The following AFF2 variants were observed in gnomAD, a reference collection of about 807,000 sequenced individuals.
The protein encoded by AFF2 is AF4/FMR2 family member 2.
In AFF2, 14 loss-of-function variants were observed where a neutral mutation model predicts 76.9. The ratio of observed to expected loss-of-function variants is 0.18; its 90% CI spans 0.12 to 0.28. The LOEUF (loss-of-function observed/expected upper bound fraction) is 0.28, where lower values mean the gene tolerates loss of function less well. AFF2 is among the 10% of genes least tolerant of loss of function. The pLI is 1.00. For synonymous variants in AFF2, 398 were observed against 366.7 expected (o/e 1.09, Z -0.98); for missense variants, 868 against 1,001.1 (o/e 0.87, Z 1.79).
intron 7 of AFF2, among the ~76,000 whole-genome samples, chrX:148,843,809 G>A (rs958052119): frequency 5.4e-5 from 6 of 110,661 alleles, no homozygotes; most frequent in African/African-American, 2.0e-4. Context: ...GTCTCTCTCA[G>A]GCCTCCTCTT....
chrX:148,925,674 T>A (rs1376608409), intron 9 of AFF2, among the ~76,000 whole-genome samples: 1 of 112,407 alleles, frequency 8.9e-6, no homozygotes, highest in African/African-American at 3.2e-5. Context: ...TTGGGCAAGT[T>A]GCTTTAGCTC....
intron 3 of AFF2, among the ~76,000 whole-genome samples, chrX:148,683,992 A>G (rs2054575421): frequency 8.9e-6 from 1 of 111,771 alleles, no homozygotes; most frequent in Admixed American, 9.5e-5. Flanking sequence ...CCTGGTATAC[A>G]TTAATTTCAC....
At chrX:148,799,787 G>A (rs1221675158) in intron 3 of AFF2, among the ~76,000 whole-genome samples, 1 of 111,909 alleles carries the variant, frequency 8.9e-6, no homozygotes, top group Non-Finnish European at 1.9e-5. Context: ...GGACATGCTT[G>A]CTTAGCATAG....
At chrX:148,890,441 C>A (rs2071209845) in intron 8 of AFF2, among the ~76,000 whole-genome samples, 2 of 112,079 alleles carry the variant, frequency 1.8e-5, no homozygotes, top group African/African-American at 6.5e-5. Context: ...TAACTGGCAG[C>A]CCTCTCTTTA....
chrX:148,987,306 A>C, intron 19 of AFF2, 61 bp from the exon 20 acceptor site: 1 of 1,069,252 alleles, frequency 9.4e-7, no homozygotes. Context: ...GGGAAGGCCT[A>C]GAACCCCACT....
At chrX:148,738,067 G>T (rs1233810394) in intron 3 of AFF2, among the ~76,000 whole-genome samples, 1 of 111,128 alleles carries the variant, frequency 9.0e-6, no homozygotes, top group Non-Finnish European at 1.9e-5. Flanking sequence ...AAGGATATCG[G>T]TCTGTAGTTT....
chrX:148,743,445 A>C (rs1478313621), intron 3 of AFF2, among the ~76,000 whole-genome samples: 1 of 111,864 alleles, frequency 8.9e-6, no homozygotes, highest in Non-Finnish European at 1.9e-5. Flanking sequence ...TACACAAATA[A>C]TTTTTCTTAT....
intron 3 of AFF2, among the ~76,000 whole-genome samples, chrX:148,772,890 A>G (rs1239761897): frequency 9.0e-6 from 1 of 110,967 alleles, no homozygotes; most frequent in African/African-American, 3.3e-5. Context: ...ATTTTTGTTT[A>G]AAAAATGCTT....
rs148254671 is a variant in AFF2 at position 148,872,867 on chromosome X, G to T, written c.1263-13022G>T. Among the ~76,000 whole-genome samples the T allele has an allele frequency of 5.4e-3, 600 of 111,506 alleles. 2 individuals carry two copies. Among genetic ancestry groups the T allele is most frequent in the African/African-American group, 0.019 (567 of 30,639 alleles). On this transcript the variant is annotated intron_variant, in intron 7 of 20. Transcript: ENST00000370460. Reference sequence around the variant, plus strand: ...CCCATCATGAGTATTCAACCGTTATGACCCAGTCACCTCCCAAAGACTCCA... The same window carrying T: ...CCCATCATGAGTATTCAACCGTTATTACCCAGTCACCTCCCAAAGACTCCA...
At chrX:148,747,982 A>G (rs998946784) in intron 3 of AFF2, among the ~76,000 whole-genome samples, 1 of 112,198 alleles carries the variant, frequency 8.9e-6, no homozygotes, top group African/African-American at 3.2e-5. Context: ...AATGGGCTCA[A>G]ATTTTTTAAT....
chrX:148,886,755 T>G (rs1190625505), intron 8 of AFF2, among the ~76,000 whole-genome samples: 2 of 112,456 alleles, frequency 1.8e-5, no homozygotes, highest in Non-Finnish European at 3.8e-5. Flanking sequence ...AAGTGAGGAA[T>G]GCAGAAGGAT....
chrX:148,791,004 C>T (rs2069886460), intron 3 of AFF2, among the ~76,000 whole-genome samples: 2 of 111,745 alleles, frequency 1.8e-5, no homozygotes, highest in African/African-American at 6.5e-5. Context: ...AGACAGAACT[C>T]GTGAGAAATG....
intron 7 of AFF2, among the ~76,000 whole-genome samples, chrX:148,849,611 C>T (rs1284509462): frequency 9.0e-6 from 1 of 111,132 alleles, no homozygotes; most frequent in African/African-American, 3.3e-5. Context: ...ACAATGCCAG[C>T]AACCCAACTA....
intron 1 of AFF2, among the ~76,000 whole-genome samples, chrX:148,545,035 T>C (rs531905119): frequency 1.8e-5 from 2 of 112,484 alleles, no homozygotes; most frequent in South Asian, 7.4e-4. Flanking sequence ...TTCAATTTGT[T>C]TTTTTATAAG....
chrX:148,990,681 A>G (rs782765427), intron 20 of AFF2, among the ~76,000 whole-genome samples: 3 of 111,989 alleles, frequency 2.7e-5, no homozygotes, highest in Admixed American at 1.9e-4. Context: ...TCCATCCCCA[A>G]TGAAATTGGT....
At chrX:148,537,822 G>A (rs2052802919) in intron 1 of AFF2, among the ~76,000 whole-genome samples, 1 of 111,623 alleles carries the variant, frequency 9.0e-6, no homozygotes, top group Non-Finnish European at 1.9e-5. Flanking sequence ...GATAGCAGAA[G>A]GTAAAAGGCA....
chrX:148,676,446 C>T (rs1384180164), intron 3 of AFF2, among the ~76,000 whole-genome samples: 2 of 111,424 alleles, frequency 1.8e-5, no homozygotes, highest in African/African-American at 3.3e-5. Flanking sequence ...ATTCATTTAC[C>T]GAATTTGCAT....
At chrX:148,512,920 T>C (rs1306767112) in intron 1 of AFF2, among the ~76,000 whole-genome samples, 1 of 111,458 alleles carries the variant, frequency 9.0e-6, no homozygotes, top group Non-Finnish European at 1.9e-5. Context: ...CATCGGACCA[T>C]CCAGCCCTTT....
intron 5 of AFF2, 148 bp from the exon 6 acceptor site, chrX:148,842,818 T>C (rs1557274381): frequency 4.9e-6 from 2 of 410,279 alleles, no homozygotes; most frequent in South Asian, 8.1e-5. Flanking sequence ...AATAGAGCTA[T>C]AGACAAAAGC....
Sources: gnomAD v4.1 joint callset for allele counts (sites outside exome capture counted in the v4.1 genomes callset) on GRCh38, gnomAD v4.1.1 for gene constraint, MANE v1.5 for transcripts, NCBI Gene and HGNC (gene_info 2026-07-23, HGNC 2026-07-21) for gene names.